Variants in CACNB4 observed in about 807,000 individuals in gnomAD.
The protein encoded by CACNB4 is voltage-dependent L-type calcium channel subunit beta-4.
A neutral mutation model predicts 71.2 loss-of-function variants in CACNB4; 32 were observed. That is an observed-to-expected ratio of 0.45 (90% CI 0.34 to 0.60). The LOEUF is 0.60. Ranked by LOEUF, CACNB4 falls within the 20% of genes least tolerant of loss-of-function variation. The probability of loss-of-function intolerance (pLI) is 0.01; values close to 1 mark genes in which losing one functional copy is unlikely to be tolerated. For missense variants in CACNB4, 464 were observed against 647.9 expected (o/e 0.72, Z 3.08); for synonymous variants, 231 against 236.9 (o/e 0.97, Z 0.23).
At chr2:151,929,446 AG>A (rs2099861089) in intron 2 of CACNB4, among the ~76,000 whole-genome samples, 1 of 152,240 alleles carries the variant, frequency 6.6e-6, no homozygotes, top group African/African-American at 2.4e-5. Context: ...ATATACCAGA[AG>A]GCTTTAATGA....
At position 152,088,173 on chromosome 2, in the gene CACNB4, A is replaced by G. The variant is rs531414946; in HGVS notation, c.147+10157T>C. Among the ~76,000 whole-genome samples the G allele has an allele frequency of 9.1e-4, 138 of 151,822 alleles. 1 individual carries two copies. The highest frequency in any genetic ancestry group is 4.8e-3 in the Admixed American group (73 of 15,250). ...CACACACACACACACACACACATAC[A>G]CACACACACACGGCAAATTAAAAAG... On this transcript the variant is annotated intron_variant, in intron 2 of 13. Transcript: ENST00000539935.
At chr2:152,091,272 A>T (rs1687957961) in intron 2 of CACNB4, among the ~76,000 whole-genome samples, 2 of 152,116 alleles carry the variant, frequency 1.3e-5, no homozygotes, top group Admixed American at 6.6e-5. Context: ...TGCACAAAAA[A>T]CTCACAAAGG....
At chr2:151,896,328 A>AG (rs1221371725) in intron 2 of CACNB4, among the ~76,000 whole-genome samples, 1 of 152,210 alleles carries the variant, frequency 6.6e-6, no homozygotes, top group African/African-American at 2.4e-5. Context: ...TTTTTGAATT[A>AG]GAAGATGACG....
chr2:152,032,582 G>A (rs1291757349), intron 2 of CACNB4, among the ~76,000 whole-genome samples: 2 of 151,266 alleles, frequency 1.3e-5, no homozygotes, highest in Admixed American at 1.3e-4. Flanking sequence ...TTAATAATAG[G>A]GAATTCAAAA....
chr2:151,976,531 A>C (rs979596831), intron 2 of CACNB4, among the ~76,000 whole-genome samples: 8 of 152,274 alleles, frequency 5.3e-5, no homozygotes, highest in African/African-American at 1.7e-4. Context: ...CCCACAGCTG[A>C]TAACTAAAAA....
intron 2 of CACNB4, among the ~76,000 whole-genome samples, chr2:151,949,561 G>A (rs567398672): frequency 5.3e-5 from 8 of 152,248 alleles, no homozygotes; most frequent in Non-Finnish European, 1.2e-4. Flanking sequence ...GACCTACCAA[G>A]TAGGTGATGT....
chr2:151,944,143 C>T (rs190118602), intron 2 of CACNB4, among the ~76,000 whole-genome samples: 22 of 151,856 alleles, frequency 1.4e-4, no homozygotes, highest in Middle Eastern at 3.4e-3. Flanking sequence ...ATCCTCCTGC[C>T]TCAGTCTCCT....
At position 152,098,943 on chromosome 2, in the gene CACNB4, C is replaced by A. The variant is rs769816643; in HGVS notation, c.63+6G>T. ...GAAGAGGAGAAGGGGGAGGAGGGGG[C>A]GGTACCTGCGAGGTGGGGGAGTGCG... On this transcript the variant is annotated splice_donor_region_variant and intron_variant, in intron 1 of 13. Coordinates refer to ENST00000539935, the MANE Select transcript of CACNB4 (RefSeq NM_000726.5). This position sits in a 1 kb window ranked among gnomAD's most constrained non-coding sequence, Gnocchi z 5.3. 4.2e-6 allele frequency: 6 copies of A among 1,417,682 alleles called. No homozygotes were observed. The South Asian group carries it at 5.9e-5, about 14-fold the overall frequency. 87.8% of individuals were successfully genotyped at this position (1,417,682 alleles called of 1,614,324 possible).
intron 2 of CACNB4, among the ~76,000 whole-genome samples, chr2:151,918,014 G>A (rs1230874646): frequency 6.6e-6 from 1 of 151,908 alleles, no homozygotes; most frequent in Non-Finnish European, 1.5e-5. Context: ...TCTCAATATG[G>A]CAGAAACAAA....
chr2:152,050,829 C>A (rs1685390053), intron 2 of CACNB4, among the ~76,000 whole-genome samples: 1 of 151,956 alleles, frequency 6.6e-6, no homozygotes, highest in Admixed American at 6.5e-5. Flanking sequence ...AGTGCAGTGG[C>A]ACAATCTTGG....
intron 2 of CACNB4, among the ~76,000 whole-genome samples, chr2:152,007,397 G>A (rs1682790199): frequency 6.6e-6 from 1 of 152,022 alleles, no homozygotes; most frequent in African/African-American, 2.4e-5. Flanking sequence ...CCAAACCCTG[G>A]CAACCACTAT....
chr2:151,872,614 C>A, intron 5 of CACNB4, 121 bp from the exon 6 acceptor site: 1 of 601,496 alleles, frequency 1.7e-6, no homozygotes, highest in South Asian at 2.1e-5. Context: ...CCAAATTCTG[C>A]TATAAAGAAT....
intron 2 of CACNB4, among the ~76,000 whole-genome samples, chr2:152,082,659 A>C (rs1687425402): frequency 6.6e-6 from 1 of 152,220 alleles, no homozygotes; most frequent in South Asian, 2.1e-4. Context: ...TGCAACAAGG[A>C]AAACAGAGGC....
rs754380009 is a variant in CACNB4, at chr2:152,098,976, C to T, written c.36G>A (p.Ala12=). The T allele has an allele frequency of 5.0e-5, 77 of 1,530,790 alleles. No individual in the cohort carries two copies. The highest frequency in any genetic ancestry group is 2.0e-4 in the Middle Eastern group (1 of 5,060). 94.8% of individuals were successfully genotyped at this position (1,530,790 alleles called of 1,614,324 possible). The change falls in exon 1 of 14, where the codon GCG becomes GCA. Residue 12 remains alanine (A), a synonymous_variant. Coordinates refer to ENST00000539935, the MANE Select transcript of CACNB4 (RefSeq NM_000726.5). The surrounding 1 kb of genome is among the most constrained non-coding windows in gnomAD (Gnocchi z 5.3). ...SSSSYAKNGT[A]DGPHSPTSQV... is the part of the protein sequence containing the mutation. ...GCGAGGTGGGGGAGTGCGGCCCGTC[C>T]GCGGTCCCGTTCTTGGCGTAGGAGG...
At chr2:151,986,848 G>A (rs907259765) in intron 2 of CACNB4, among the ~76,000 whole-genome samples, 1 of 152,068 alleles carries the variant, frequency 6.6e-6, no homozygotes, top group Non-Finnish European at 1.5e-5. Context: ...ACTGGGGTTG[G>A]GGGGAGTCAC....
intron 2 of CACNB4, among the ~76,000 whole-genome samples, chr2:152,082,415 A>T (rs1025078275): frequency 6.6e-6 from 1 of 152,258 alleles, no homozygotes; most frequent in African/African-American, 2.4e-5. Context: ...GTCATTCCTC[A>T]GAATCAGTAG....
chr2:152,079,559 C>A (rs1055157283), intron 2 of CACNB4, among the ~76,000 whole-genome samples: 1 of 151,910 alleles, frequency 6.6e-6, no homozygotes, highest in Admixed American at 6.6e-5. Flanking sequence ...GCCAAGGCAG[C>A]GGGATCACTT....
chr2:152,092,525 T>C (rs1269443660), intron 2 of CACNB4, among the ~76,000 whole-genome samples: 1 of 152,222 alleles, frequency 6.6e-6, no homozygotes, highest in Non-Finnish European at 1.5e-5. Context: ...TGTTCCAAGG[T>C]AGATGGTTCC....
rs1464506171 is a variant in CACNB4 at position 151,892,310 on chromosome 2, TACG to T, written c.148-8943_148-8941del. Among the ~76,000 whole-genome samples the T allele has an allele frequency of 4.0e-5, 6 of 151,268 alleles. No individual in the cohort carries two copies. In the East Asian group the frequency reaches 1.2e-3, roughly 30 times the overall value. On this transcript the variant is annotated intron_variant, in intron 2 of 13. Coordinates refer to ENST00000539935, the MANE Select transcript of CACNB4 (RefSeq NM_000726.5). Reference sequence around the variant, plus strand: ...GAGAGTCAGATTCTTGAGAGAGAGATACGACAACAGGATATATGTTTCCCCTAA... The same window carrying T: ...GAGAGTCAGATTCTTGAGAGAGAGATACAACAGGATATATGTTTCCCCTAA...
Sources: gnomAD v4.1 joint callset for allele counts (sites outside exome capture counted in the v4.1 genomes callset) on GRCh38, gnomAD v4.1.1 for gene constraint, Gnocchi (gnomAD v3.1) non-coding constraint, MANE v1.5 for transcripts, NCBI Gene and HGNC (gene_info 2026-07-23, HGNC 2026-07-21) for gene names.